Variants in EPPK1 observed in about 807,000 individuals in gnomAD.
EPPK1 encodes the protein epiplakin 1, also known as epiplakin.
For synonymous variants in EPPK1, 1,862 were observed against 1,721.2 expected (o/e 1.08, Z -2.03); for missense variants, 3,823 against 3,673.3 (o/e 1.04, Z -1.05).
upstream of EPPK1, among the ~76,000 whole-genome samples, chr8:143,878,693 G>A (rs1554662760): frequency 6.6e-6 from 1 of 151,912 alleles, no homozygotes; most frequent in East Asian, 1.9e-4. Context: ...ACGCAGGGCG[G>A]GCGCGGAGGC....
chr8:143,870,241 C>G lies in EPPK1; in HGVS notation c.3013G>C (p.Glu1005Gln), dbSNP rs188074541. Residue 1005 changes from glutamate (E) to glutamine (Q), a missense_variant, in exon 2 of 2, where the codon GAG (glutamate) becomes CAG (glutamine). By Grantham distance (29) the Glu-to-Gln change is conservative. Coordinates refer to ENST00000615648, the MANE Select transcript of EPPK1 (RefSeq NM_031308.4). The surrounding 1 kb of genome is among the most constrained non-coding windows in gnomAD (Gnocchi z 5.2). ...PELYGRLKRA[E>Q]GAIAGFRDPF... ...TCTCTGAAGCCAGCAATGGCACCCT[C>G]AGCCCGCTTCAGCCTGCCATACAGC... 4 of 1,601,834 alleles carry G rather than the reference C, an allele frequency of 2.5e-6. No homozygotes were observed. The East Asian group carries it at 9.0e-5, about 36-fold the overall frequency.
In EPPK1 at chr8:143,866,606, G is replaced by T. The variant is rs2130617949; in HGVS notation, c.6648C>A (p.Val2216=). ...TTQELMEDDR[V]KRYLEGTSCI... is the part of the protein sequence containing the mutation. Reference sequence around the variant, plus strand: ...AGCTGGTGCCCTCCAGGTAGCGCTTGACGCGGTCGTCCTCCATGAGCTCTT... The same window carrying T: ...AGCTGGTGCCCTCCAGGTAGCGCTTTACGCGGTCGTCCTCCATGAGCTCTT... The change falls in exon 2 of 2, where the codon GTC becomes GTA. Residue 2216 remains valine (V), a synonymous_variant. Transcript: ENST00000615648. The T allele has an allele frequency of 6.2e-7, 1 of 1,612,796 alleles. No individual in the cohort carries two copies. The highest frequency in any genetic ancestry group is 1.1e-5 in the South Asian group (1 of 91,084).
At position 143,871,913 on chromosome 8, in the gene EPPK1, G is replaced by A. The variant is rs1554661352; in HGVS notation, c.1341C>T (p.Arg447=). The change falls in exon 2 of 2, where the codon CGC becomes CGT. Residue 447 remains arginine, a synonymous_variant. Transcript: ENST00000615648. The part of the protein sequence containing the change: ...SFSDGTHGGL[R]YEQLLALCVT... ...CACAGAGGGCCAGCAGCTGTTCATA[G>A]CGCAGGCCGCCGTGCGTGCCGTCTG... The A allele has an allele frequency of 6.2e-7, 1 of 1,606,746 alleles. No individual in the cohort carries two copies. Among genetic ancestry groups the A allele is most frequent in the East Asian group, 2.2e-5 (1 of 44,860 alleles).
Position 143,870,210 on chromosome 8 carries a change from A to G in EPPK1, c.3044T>C (p.Phe1015Ser). ...GAACACAGACACCTGCTTCCCAGAG[A>G]AGGGGTCTCTGAAGCCAGCAATGGC... Reference protein sequence around the residue: ...EGAIAGFRDPFSGKQVSVFQA... With the variant: ...EGAIAGFRDPSSGKQVSVFQA... Residue 1015 changes from phenylalanine (F) to serine (S), a missense_variant, in exon 2 of 2, where the codon TTC (phenylalanine) becomes TCC (serine). Transcript: ENST00000615648. This position sits in a 1 kb window ranked among gnomAD's most constrained non-coding sequence, Gnocchi z 5.2. 7 of 1,609,388 alleles carry G rather than the reference A, an allele frequency of 4.3e-6. No individual in the cohort carries two copies. The highest frequency in any genetic ancestry group is 5.9e-6 in the Non-Finnish European group (7 of 1,178,528).
chr8:143,858,013 G>C lies in EPPK1; in HGVS notation c.15241C>G (p.Leu5081Val), dbSNP rs782258238. 1.1e-5 allele frequency: 18 copies of C among 1,608,818 alleles called. No homozygotes were observed. The highest frequency in any genetic ancestry group is 3.3e-4 in the Middle Eastern group (2 of 6,028). ...RATLDPETGL[L>V]FLSLSLQ is the part of the protein sequence containing the mutation. ...CACTGTAGAGAGAGAGAAAGAAATA[G>C]GAGCCCCGTCTCAGGGTCCAGGGTG... Residue 5081 changes from leucine to valine, a missense_variant, in exon 2 of 2, where the codon CTA becomes GTA. Physicochemically the swap from Leu to Val is conservative, Grantham distance 32. Coordinates refer to ENST00000615648, the MANE Select transcript of EPPK1 (RefSeq NM_031308.4).
intron 1 of EPPK1, among the ~76,000 whole-genome samples, chr8:143,874,735 G>A (rs959359962): frequency 2.0e-5 from 3 of 151,944 alleles, no homozygotes; most frequent in Non-Finnish European, 2.9e-5. Flanking sequence ...CGTTTTCTCA[G>A]CACTACGGGC....
upstream of EPPK1, among the ~76,000 whole-genome samples, chr8:143,878,624 G>GT (rs1819539928): frequency 6.6e-6 from 1 of 151,734 alleles, no homozygotes; most frequent in African/African-American, 2.4e-5. Flanking sequence ...CGGGCAAGGG[G>GT]CGGCGGCTGG....
Position 143,871,479 on chromosome 8 carries a change from G to T in EPPK1, c.1775C>A (p.Thr592Lys). 6.2e-7 allele frequency: 1 copy of T among 1,609,202 alleles called. No homozygotes were observed. ...LYERLEHGQATAKDVGSLASV... is the reference protein window; with the variant it reads ...LYERLEHGQAKAKDVGSLASV... Reference sequence around the variant, plus strand: ...GGCCAGGCTGCCCACATCCTTGGCTGTGGCCTGTCCATGCTCCAGCCGCTC... The same window carrying T: ...GGCCAGGCTGCCCACATCCTTGGCTTTGGCCTGTCCATGCTCCAGCCGCTC... The change falls in exon 2 of 2, where the codon ACA becomes AAA. Residue 592 changes from threonine (T) to lysine (K), a missense_variant. By Grantham distance (78) the Thr-to-Lys change is moderately conservative. Coordinates refer to ENST00000615648, the MANE Select transcript of EPPK1 (RefSeq NM_031308.4).
upstream of EPPK1, chr8:143,878,547 A>C (rs1289043005): frequency 8.1e-6 from 1 of 123,644 alleles, no homozygotes; most frequent in East Asian, 2.0e-4. Flanking sequence ...CGGGGCCCCG[A>C]CGCGGGGCGG....
rs1485239426 is a variant in EPPK1 at position 143,857,653 on chromosome 8, G to A, written c.*334C>T. The A allele has an allele frequency of 3.2e-6, 1 of 312,982 alleles. No homozygotes were observed. The highest frequency in any genetic ancestry group is 4.6e-5 in the Admixed American group (1 of 21,968). The allele number at this position is 312,982 out of a possible 1,614,324, so 19.4% of individuals were successfully genotyped here. A position where few individuals can be genotyped will look rare whatever the true frequency, so the allele number is the denominator to read the frequency against. ...AACAAGAGTACCCGATGGCATGATGGACTGAGAGTCTAAAGAGTGACATTC... is the reference window on the plus strand; with the variant it reads ...AACAAGAGTACCCGATGGCATGATGAACTGAGAGTCTAAAGAGTGACATTC... On this transcript the variant is annotated 3_prime_UTR_variant, in exon 2 of 2. Transcript: ENST00000615648.
rs1165769025 is a variant in EPPK1, at chr8:143,866,754, G to C, written c.6500C>G (p.Thr2167Ser). 1 of 1,613,394 alleles carries C rather than the reference G, an allele frequency of 6.2e-7. No individual in the cohort carries two copies. The highest frequency in any genetic ancestry group is 1.3e-5 in the African/African-American group (1 of 74,938). ...TTGGAACCACAGGTGTTTGTTGCTGGTTTCCTGCTTCTCGATCAACTCTAA... is the reference window on the plus strand; with the variant it reads ...TTGGAACCACAGGTGTTTGTTGCTGCTTTCCTGCTTCTCGATCAACTCTAA... The part of the protein sequence containing the change: ...LILELIEKQE[T>S]SNKHLWFQGI... Residue 2167 changes from threonine (T) to serine (S), a missense_variant, in exon 2 of 2, where the codon ACC (threonine) becomes AGC (serine). Transcript: ENST00000615648.
Position 143,870,288 on chromosome 8 carries a change from C to A in EPPK1, c.2966G>T (p.Arg989Leu). ...PESLSVDEAVRRGVVGPELYG... is the reference protein window; with the variant it reads ...PESLSVDEAVLRGVVGPELYG... ...CAGCTCCGGCCCCACCACACCCCTG[C>A]GCACGGCCTCATCCACCGAGAGGCT... The change falls in exon 2 of 2, where the codon CGC (arginine) becomes CTC (leucine). Residue 989 changes from arginine to leucine, a missense_variant. Coordinates refer to ENST00000615648, the MANE Select transcript of EPPK1 (RefSeq NM_031308.4). The surrounding 1 kb of genome is among the most constrained non-coding windows in gnomAD (Gnocchi z 5.2). 5 of 1,584,648 alleles carry A rather than the reference C, an allele frequency of 3.2e-6. No homozygotes were observed. Among genetic ancestry groups the A allele is most frequent in the African/African-American group, 1.3e-5 (1 of 74,270 alleles).
At chr8:143,875,385 T>G (rs1029640344) in intron 1 of EPPK1, among the ~76,000 whole-genome samples, 3 of 152,170 alleles carry the variant, frequency 2.0e-5, no homozygotes, top group Non-Finnish European at 4.4e-5. Context: ...CCGGGCCTCC[T>G]CCAGGCATCC....
chr8:143,866,581 A>T lies in EPPK1; in HGVS notation c.6673T>A (p.Cys2225Ser). ...RVKRYLEGTS[C>S]IAGVLVPAKD... Reference sequence around the variant, plus strand: ...GCGGGCACCAGGACGCCCGCGATGCAGCTGGTGCCCTCCAGGTAGCGCTTG... The same window carrying T: ...GCGGGCACCAGGACGCCCGCGATGCTGCTGGTGCCCTCCAGGTAGCGCTTG... The change falls in exon 2 of 2, where the codon TGC (cysteine) becomes AGC (serine). Residue 2225 changes from cysteine to serine, a missense_variant. By Grantham distance (112) the Cys-to-Ser change is moderately radical (BLOSUM62 -1). Transcript: ENST00000615648. The T allele has an allele frequency of 6.2e-7, 1 of 1,611,862 alleles. No homozygotes were observed. The highest frequency in any genetic ancestry group is 8.5e-7 in the Non-Finnish European group (1 of 1,179,452).
intron 1 of EPPK1, among the ~76,000 whole-genome samples, 174 bp from the exon 2 acceptor site, chr8:143,873,472 C>T (rs565367310): frequency 6.6e-6 from 1 of 152,170 alleles, no homozygotes; most frequent in Non-Finnish European, 1.5e-5. Context: ...CGCGGGGGTG[C>T]CAAGGGAAGT....
In EPPK1 at chr8:143,866,294, G is replaced by T. The variant is rs1293725115; in HGVS notation, c.6960C>A (p.Ser2320=). 7.9e-6 allele frequency: 4 copies of T among 503,538 alleles called. No individual in the cohort carries two copies. In the South Asian group the frequency reaches 8.4e-5, roughly 11 times the overall value. 31.2% of individuals were successfully genotyped at this position (503,538 alleles called of 1,614,324 possible). A position where few individuals can be genotyped will look rare whatever the true frequency, so the allele number is the denominator to read the frequency against. The change falls in exon 2 of 2, where the codon TCC becomes TCA. Residue 2320 remains serine (S), a synonymous_variant. Transcript: ENST00000615648. ...GGTCCTTCTGCATGGCCTGGAAGAG[G>T]GAGATCTGCTGCCCGGTGTAGGGGT... ...YTDPYTGQQI[S]LFQAMQKDLI... is the part of the protein sequence containing the mutation.
Position 143,872,425 on chromosome 8 carries a change from C to A in EPPK1, c.829G>T (p.Val277Leu). 6.2e-7 allele frequency: 1 copy of A among 1,601,188 alleles called. No homozygotes were observed. Among genetic ancestry groups the A allele is most frequent in the East Asian group, 2.2e-5 (1 of 44,848 alleles). The change falls in exon 2 of 2, where the codon GTG becomes TTG. Residue 277 changes from valine (V) to leucine (L), a missense_variant. Physicochemically the swap from Val to Leu is conservative, Grantham distance 32 (BLOSUM62 1). Transcript: ENST00000615648. ...CCGGTACCCTCCAGGTAGCGCCGCA[C>A]CTCGGCACGTGCACTCACGTCCACT... is the stretch of plus-strand genomic sequence containing the variant. ...AAVDVSARAEVRRYLEGTGSV... is the reference protein window; with the variant it reads ...AAVDVSARAELRRYLEGTGSV...
In EPPK1 at chr8:143,866,020, G is replaced by A; in HGVS notation, c.7234C>T (p.Leu2412Phe). 6.2e-6 allele frequency: 1 copy of A among 161,138 alleles called. No individual in the cohort carries two copies. The highest frequency in any genetic ancestry group is 1.0e-5 in the Non-Finnish European group (1 of 98,072). The allele number at this position is 161,138 out of a possible 1,614,324, so 10.0% of individuals were successfully genotyped here. A position where few individuals can be genotyped will look rare whatever the true frequency, so the allele number is the denominator to read the frequency against. ...RRCVPDPDTGLYMLQLAGRGS... is the reference protein window; with the variant it reads ...RRCVPDPDTGFYMLQLAGRGS... Reference sequence around the variant, plus strand: ...CGGCCTGCCAGCTGCAGCATGTAGAGCCCGGTGTCCGGGTCGGGCACGCAG... The same window carrying A: ...CGGCCTGCCAGCTGCAGCATGTAGAACCCGGTGTCCGGGTCGGGCACGCAG... The change falls in exon 2 of 2, where the codon CTC (leucine) becomes TTC (phenylalanine). Residue 2412 changes from leucine to phenylalanine, a missense_variant. Transcript: ENST00000615648.
chr8:143,872,876 G>A lies in EPPK1; in HGVS notation c.378C>T (p.Tyr126=), dbSNP rs377574983. 3,104 of 1,588,808 alleles carry A rather than the reference G, an allele frequency of 2.0e-3. 7 individuals are homozygous for A. The highest frequency in any genetic ancestry group is 2.3e-3 in the Non-Finnish European group (2,684 of 1,167,676). The change falls in exon 2 of 2, where the codon TAC becomes TAT. Residue 126 remains tyrosine (Y), a synonymous_variant. Coordinates refer to ENST00000615648, the MANE Select transcript of EPPK1 (RefSeq NM_031308.4). ...GAAAGAGGGCCAGCTTCTCACCGCC[G>A]TAGGGGTCAGGATAGCCCGTAGTGG... ...ERATTGYPDP[Y]GGEKLALFQA...
Sources: gnomAD v4.1 joint callset for allele counts (sites outside exome capture counted in the v4.1 genomes callset) on GRCh38, gnomAD v4.1.1 for gene constraint, Gnocchi (gnomAD v3.1) non-coding constraint, MANE v1.5 for transcripts, NCBI Gene and HGNC (gene_info 2026-07-23, HGNC 2026-07-21) for gene names.